SLC8A2: variants seen among roughly 807,000 people sequenced by gnomAD.
SLC8A2 encodes solute carrier family 8 member A2, also known as sodium/calcium exchanger 2.
A neutral mutation model predicts 70.2 loss-of-function variants in SLC8A2; 14 were observed. That is an observed-to-expected ratio of 0.20 (90% CI 0.13 to 0.31). The LOEUF is 0.31. SLC8A2 is among the 10% of genes least tolerant of loss of function. The probability of loss-of-function intolerance (pLI) is 1.00; values close to 1 mark genes in which losing one functional copy is unlikely to be tolerated. For missense variants in SLC8A2, 779 were observed against 1,320.1 expected (o/e 0.59, Z 6.35); for synonymous variants, 575 against 594.3 (o/e 0.97, Z 0.47).
chr19:47,467,613 G>A (rs1256571531), intron 1 of SLC8A2, among the ~76,000 whole-genome samples: 3 of 152,116 alleles, frequency 2.0e-5, no homozygotes, highest in Non-Finnish European at 2.9e-5. Context: ...TTGTGGGTGT[G>A]GGGGTTCTAC....
chr19:47,431,467 G>A (rs1440301577), intron 9 of SLC8A2, among the ~76,000 whole-genome samples: 1 of 150,432 alleles, frequency 6.6e-6, no homozygotes, highest in African/African-American at 2.4e-5. Context: ...TGGCCAATAT[G>A]GTGAAACCCC....
chr19:47,455,226 C>T (rs1967291153), intron 3 of SLC8A2, among the ~76,000 whole-genome samples: 2 of 152,228 alleles, frequency 1.3e-5, no homozygotes, highest in South Asian at 4.1e-4. Flanking sequence ...GGATTGGCTG[C>T]TGCTTGATGG....
intron 1 of SLC8A2, among the ~76,000 whole-genome samples, chr19:47,469,153 T>TGTGC (rs1403206920): frequency 1.3e-5 from 2 of 149,794 alleles, no homozygotes; most frequent in Non-Finnish European, 3.0e-5. Flanking sequence ...TGTGTGTGTG[T>TGTGC]GCAGGCAAGG....
chr19:47,457,308 T>C lies in SLC8A2; in HGVS notation c.962A>G (p.Asp321Gly). 1 of 1,545,030 alleles carries C rather than the reference T, an allele frequency of 6.5e-7. No individual in the cohort carries two copies. Among genetic ancestry groups the C allele is most frequent in the Non-Finnish European group, 8.7e-7 (1 of 1,145,010 alleles). ...CTTGTCCGGGTGCTTCTGCTTGAGG[T>C]CCTTGAGGATCTGGATGACCTCGCG... is the stretch of plus-strand genomic sequence containing the variant. ...SRREVIQILK[D>G]LKQKHPDKDL... Residue 321 changes from aspartate (D) to glycine (G), a missense_variant, in exon 3 of 10, where the codon GAC (aspartate) becomes GGC (glycine). Asp to Gly is a moderately conservative substitution (Grantham distance 94, BLOSUM62 -1). Coordinates refer to ENST00000236877, the MANE Select transcript of SLC8A2 (RefSeq NM_015063.3).
chr19:47,440,994 G>C (rs1376312775), intron 6 of SLC8A2, among the ~76,000 whole-genome samples, 175 bp downstream of exon 6: 2 of 152,014 alleles, frequency 1.3e-5, no homozygotes, highest in African/African-American at 4.8e-5. Context: ...ACTCATACAG[G>C]CACCACCAAC....
intron 4 of SLC8A2, among the ~76,000 whole-genome samples, chr19:47,443,177 A>G (rs1442804926): frequency 6.6e-6 from 1 of 152,120 alleles, no homozygotes; most frequent in South Asian, 2.1e-4. Context: ...GCTAACTCCA[A>G]TCCTTCAGCA....
In SLC8A2 at chr19:47,448,768, G is replaced by A. The variant is rs1967201260; in HGVS notation, c.1341-537C>T. On this transcript the variant is annotated intron_variant, in intron 3 of 9. Transcript: ENST00000236877. This position sits in a 1 kb window ranked among gnomAD's most constrained non-coding sequence, Gnocchi z 4.8. ...TGTCCTGGTCACATTTTAAGTGGCA[G>A]GGATATAGGACCCAGAAAGGACTCT... Among the ~76,000 whole-genome samples, 2 of 152,152 alleles carry A rather than the reference G, an allele frequency of 1.3e-5. No homozygotes were observed.
In SLC8A2 at chr19:47,468,428, C is replaced by T. The variant is rs1053086302; in HGVS notation, c.-16-2009G>A. Among the ~76,000 whole-genome samples the T allele has an allele frequency of 1.3e-5, 2 of 152,216 alleles. No homozygotes were observed. The highest frequency in any genetic ancestry group is 2.4e-5 in the African/African-American group (1 of 41,468). On this transcript the variant is annotated intron_variant, in intron 1 of 9. Transcript: ENST00000236877. The surrounding 1 kb of genome is among the most constrained non-coding windows in gnomAD (Gnocchi z 5.1). ...CCTCCCTCCTCAGCCTCCCAAGTAG[C>T]GGGAAGTACAGGCGTGCGCCACCAT...
rs115940636 is a variant in SLC8A2 at position 47,452,693 on chromosome 19, A to G, written c.1340+4237T>C. 7.4e-3 allele frequency among the ~76,000 whole-genome samples: 1,120 copies of G among 152,234 alleles called. 15 individuals are homozygous for G. Among genetic ancestry groups the G allele is most frequent in the African/African-American group, 0.026 (1,068 of 41,532 alleles). ...GGACACAGAATCTGAGAAGATAAAA[A>G]TCTTAAAGCCATCAAGTCAGAGACT... On this transcript the variant is annotated intron_variant, in intron 3 of 9. Coordinates refer to ENST00000236877, the MANE Select transcript of SLC8A2 (RefSeq NM_015063.3).
In SLC8A2 at chr19:47,465,591, A is replaced by T; in HGVS notation, c.675+138T>A. The stretch of plus-strand genomic sequence containing the variant: ...TCCCTTGTGTAGTCTGGTGACCTGC[A>T]CAACCGTACTTGGCAGCCCTCTCAG... On this transcript the variant is annotated intron_variant, in intron 2 of 9. Transcript: ENST00000236877. The surrounding 1 kb of genome is among the most constrained non-coding windows in gnomAD (Gnocchi z 5.5). 1 of 776,700 alleles carries T rather than the reference A, an allele frequency of 1.3e-6. No homozygotes were observed. Among genetic ancestry groups the T allele is most frequent in the Non-Finnish European group, 2.0e-6 (1 of 492,540 alleles). 48.1% of individuals were successfully genotyped at this position (776,700 alleles called of 1,614,324 possible).
chr19:47,469,057 G>A (rs1967498463), intron 1 of SLC8A2, among the ~76,000 whole-genome samples: 1 of 152,106 alleles, frequency 6.6e-6, no homozygotes, highest in Admixed American at 6.5e-5. Context: ...CTGGGGGAGG[G>A]AGGCAGCGTG....
At chr19:47,454,994 G>A (rs147488381) in intron 3 of SLC8A2, among the ~76,000 whole-genome samples, 3,464 of 152,262 alleles carry the variant, frequency 0.023, 126 homozygotes, top group African/African-American at 0.073. Context: ...GGCTGAGGCA[G>A]GAGAATCATT....
At position 47,428,366 on chromosome 19, in the gene SLC8A2, T is replaced by C. The variant is rs1323545560; in HGVS notation, c.*1723A>G. 7.1e-6 allele frequency: 1 copy of C among 141,766 alleles called. No individual in the cohort carries two copies. Among genetic ancestry groups the C allele is most frequent in the African/African-American group, 2.7e-5 (1 of 36,726 alleles). 8.8% of individuals were successfully genotyped at this position (141,766 alleles called of 1,614,324 possible). A position where few individuals can be genotyped will look rare whatever the true frequency, so the allele number is the denominator to read the frequency against. On this transcript the variant is annotated 3_prime_UTR_variant, in exon 10 of 10. Transcript: ENST00000236877. ...AACCCACGACTGACGAATGGGGGCA[T>C]GGAGAGTGGAGGTGCGTGGCTTGTG...
Position 47,457,298 on chromosome 19 carries a change from C to T in SLC8A2, c.972G>A (p.Gln324=), listed in dbSNP as rs1967318592. 4.3e-5 allele frequency: 66 copies of T among 1,546,794 alleles called. No individual in the cohort carries two copies. The highest frequency in any genetic ancestry group is 5.7e-5 in the Non-Finnish European group (65 of 1,145,520). The change falls in exon 3 of 10, where the codon CAG becomes CAA. Residue 324 remains glutamine (Q), a synonymous_variant. Coordinates refer to ENST00000236877, the MANE Select transcript of SLC8A2 (RefSeq NM_015063.3). ...EVIQILKDLK[Q]KHPDKDLEQL... ...GCTCCAGATCCTTGTCCGGGTGCTTCTGCTTGAGGTCCTTGAGGATCTGGA... is the reference window on the plus strand; with the variant it reads ...GCTCCAGATCCTTGTCCGGGTGCTTTTGCTTGAGGTCCTTGAGGATCTGGA...
At chr19:47,450,574 AAG>A (rs1967222070) in intron 3 of SLC8A2, among the ~76,000 whole-genome samples, 1 of 152,156 alleles carries the variant, frequency 6.6e-6, no homozygotes, top group East Asian at 1.9e-4. Flanking sequence ...CTGTGGGAGG[AAG>A]AGAGGGACCG....
In SLC8A2 at chr19:47,448,721, A is replaced by G. The variant is rs542814668; in HGVS notation, c.1341-490T>C. Among the ~76,000 whole-genome samples the G allele has an allele frequency of 5.6e-4, 86 of 152,244 alleles. No homozygotes were observed. The highest frequency in any genetic ancestry group is 8.8e-4 in the Non-Finnish European group (60 of 68,012). ...GAAGCTCCCGGGTTTCTAGAATCGC[A>G]TTTCTAACGAGCTCCAGGGGATGTC... On this transcript the variant is annotated intron_variant, in intron 3 of 9. Transcript: ENST00000236877. The surrounding 1 kb of genome is among the most constrained non-coding windows in gnomAD (Gnocchi z 4.8).
chr19:47,458,225 C>T (rs1466974050), intron 2 of SLC8A2, among the ~76,000 whole-genome samples: 1 of 135,678 alleles, frequency 7.4e-6, no homozygotes, highest in African/African-American at 2.8e-5. Flanking sequence ...CTGTTCATCT[C>T]TGCCTCCCCC....
chr19:47,436,586 A>G (rs11083878), intron 8 of SLC8A2, among the ~76,000 whole-genome samples: 36,379 of 151,970 alleles, frequency 0.24, 7,758 homozygotes, highest in African/African-American at 0.57. Flanking sequence ...CCACAATTCC[A>G]TGTACGCCTT....
rs745736645 is a variant in SLC8A2, at chr19:47,457,112, G to A, written c.1158C>T (p.Gly386=). Reference sequence around the variant, plus strand: ...GGCTGGCGCCGTCGTCTTCGTCCTCGCCCGCGCCCTCGGCCGGCGCCGCCC... The same window carrying A: ...GGCTGGCGCCGTCGTCTTCGTCCTCACCCGCGCCCTCGGCCGGCGCCGCCC... ...SRRAAPAEGA[G]EDEDDGASRI... Residue 386 remains glycine, a synonymous_variant, in exon 3 of 10, where the codon GGC becomes GGT. Transcript: ENST00000236877. 22 of 1,552,486 alleles carry A rather than the reference G, an allele frequency of 1.4e-5. No homozygotes were observed. Among genetic ancestry groups the A allele is most frequent in the South Asian group, 5.9e-5 (5 of 84,410 alleles).
Sources: allele counts gnomAD v4.1 joint callset (sites outside exome capture counted in the v4.1 genomes callset), GRCh38; gene constraint gnomAD v4.1.1; non-coding constraint Gnocchi (gnomAD v3.1); transcripts MANE v1.5; gene names NCBI Gene and HGNC (gene_info 2026-07-23, HGNC 2026-07-21).